Variants in HTR2C observed in about 807,000 individuals in gnomAD.
The protein encoded by HTR2C is 5-hydroxytryptamine receptor 2C.
A neutral mutation model predicts 21.0 loss-of-function variants in HTR2C; 5 were observed. The observed-to-expected ratio is 0.24, with a 90% CI of 0.12 to 0.50. HTR2C has a LOEUF of 0.50. Ranked by LOEUF, HTR2C falls within the 20% of genes least tolerant of loss-of-function variation. HTR2C has a pLI of 0.98. For synonymous variants in HTR2C, 150 were observed against 145.3 expected, an observed-to-expected ratio of 1.03 and a Z score of -0.23; for missense variants, 271 against 371.2, an observed-to-expected ratio of 0.73 and a Z score of 2.22.
At chrX:114,861,983 C>T (rs1180935370) in intron 5 of HTR2C, among the ~76,000 whole-genome samples, 3 of 110,755 alleles carry the variant, frequency 2.7e-5, no homozygotes, top group Non-Finnish European at 3.8e-5. Context: ...CTTTTTAATT[C>T]GATTTAATCC....
intron 5 of HTR2C, among the ~76,000 whole-genome samples, chrX:114,880,202 C>T (rs1468652569): frequency 1.8e-5 from 2 of 109,963 alleles, no homozygotes; most frequent in Non-Finnish European, 3.8e-5. Context: ...TTATTAGGAA[C>T]CATTCTCCAT....
intron 2 of HTR2C, among the ~76,000 whole-genome samples, chrX:114,672,552 T>TA (rs1174568848): frequency 2.7e-5 from 3 of 112,266 alleles, no homozygotes; most frequent in Non-Finnish European, 5.6e-5. Flanking sequence ...AGTTTCCCTG[T>TA]AAAATGGAAT....
At chrX:114,855,581 G>T (rs1392978298) in intron 5 of HTR2C, among the ~76,000 whole-genome samples, 2 of 109,690 alleles carry the variant, frequency 1.8e-5, no homozygotes, top group African/African-American at 6.6e-5. Flanking sequence ...TAACTTGACA[G>T]GCTCAAGTCA....
chrX:114,894,163 A>T (rs968804469), intron 5 of HTR2C, among the ~76,000 whole-genome samples: 1 of 111,586 alleles, frequency 9.0e-6, no homozygotes, highest in Non-Finnish European at 1.9e-5. Context: ...GCTTACATTT[A>T]CCCAAATGAT....
intron 2 of HTR2C, among the ~76,000 whole-genome samples, chrX:114,709,754 T>C (rs1457720566): frequency 9.0e-6 from 1 of 111,395 alleles, no homozygotes; most frequent in African/African-American, 3.3e-5. Flanking sequence ...CTTATTCCTC[T>C]TCTCCTTCAT....
In HTR2C at chrX:114,848,031, G is replaced by A; in HGVS notation, c.378G>A (p.Leu126=). The A allele has an allele frequency of 4.1e-6, 5 of 1,208,963 alleles. No homozygotes were observed. The highest frequency in any genetic ancestry group is 4.5e-6 in the Non-Finnish European group (4 of 893,329). The change falls in exon 5 of 6, where the codon TTG becomes TTA. Residue 126 remains leucine, a synonymous_variant. Coordinates refer to ENST00000276198, the MANE Select transcript of HTR2C (RefSeq NM_000868.4). ...YDYVWPLPRY[L]CPVWISLDVL... ...ATGTCTGGCCACTACCTAGATATTT[G>A]TGCCCCGTCTGGATTTCTTTAGATG...
intron 2 of HTR2C, among the ~76,000 whole-genome samples, chrX:114,615,811 C>T (rs1212040405): frequency 8.9e-6 from 1 of 112,010 alleles, no homozygotes; most frequent in East Asian, 2.8e-4. Context: ...TGTACACACA[C>T]CTGTTGACAC....
chrX:114,847,820 A>G lies in HTR2C; in HGVS notation c.350-183A>G, dbSNP rs186510351. On this transcript the variant is annotated intron_variant, in intron 4 of 5. Coordinates refer to ENST00000276198, the MANE Select transcript of HTR2C (RefSeq NM_000868.4). ...TGTAAATTTTACCTCAATAAAATAT[A>G]TGTCACGCTGAAGGTATCATTATCA... Among the ~76,000 whole-genome samples, 293 of 111,867 alleles carry G rather than the reference A, an allele frequency of 2.6e-3. 1 individual carries two copies. The highest frequency in any genetic ancestry group is 9.1e-3 in the African/African-American group (280 of 30,850).
At chrX:114,841,930 G>A (rs1005163808) in intron 4 of HTR2C, among the ~76,000 whole-genome samples, 2 of 111,273 alleles carry the variant, frequency 1.8e-5, no homozygotes, top group Non-Finnish European at 3.8e-5. Flanking sequence ...CAAAATGTTT[G>A]GCATATAGAA....
At chrX:114,842,736 T>G (rs1371356262) in intron 4 of HTR2C, among the ~76,000 whole-genome samples, 4 of 110,744 alleles carry the variant, frequency 3.6e-5, no homozygotes, top group African/African-American at 6.6e-5. Flanking sequence ...AACAACCTCA[T>G]TAAGCATTGA....
chrX:114,640,823 T>C (rs1218315506), intron 2 of HTR2C, among the ~76,000 whole-genome samples: 1 of 111,024 alleles, frequency 9.0e-6, no homozygotes, highest in Admixed American at 9.7e-5. Flanking sequence ...GGATTTGTGA[T>C]ACAACATCTA....
rs782136328 is a variant in HTR2C at position 114,726,969 on chromosome X, C to A, written c.33C>A (p.Phe11Leu). The A allele has an allele frequency of 9.2e-7, 1 of 1,081,232 alleles. No individual in the cohort carries two copies. Among genetic ancestry groups the A allele is most frequent in the South Asian group, 2.2e-5 (1 of 44,694 alleles). 89.1% of individuals were successfully genotyped at this position (1,081,232 alleles called of 1,213,427 possible). A position where few individuals can be genotyped will look rare whatever the true frequency, so the allele number is the denominator to read the frequency against. The change falls in exon 3 of 6, where the codon TTC becomes TTA. Residue 11 changes from phenylalanine (F) to leucine (L), a missense_variant and splice_region_variant. Physicochemically the swap from Phe to Leu is conservative, Grantham distance 22. Coordinates refer to ENST00000276198, the MANE Select transcript of HTR2C (RefSeq NM_000868.4). Reference protein sequence around the residue: MVNLRNAVHSFLVHLIGLLVW... With the variant: MVNLRNAVHSLLVHLIGLLVW... ...ACCTGAGGAATGCGGTGCATTCATT[C>A]CTGTAAGGATGTTACTACTTATTAT...
At chrX:114,824,864 A>C in intron 4 of HTR2C, among the ~76,000 whole-genome samples, 1 of 111,842 alleles carries the variant, frequency 8.9e-6, no homozygotes, top group Non-Finnish European at 1.9e-5. Flanking sequence ...ATAGTTCAAA[A>C]AACGTATGGT....
chrX:114,866,330 C>T (rs1326757928), intron 5 of HTR2C, among the ~76,000 whole-genome samples: 1 of 109,133 alleles, frequency 9.2e-6, no homozygotes, highest in Non-Finnish European at 1.9e-5. Context: ...GAGTTTTATA[C>T]TTTTAGCTGT....
At chrX:114,857,139 T>A (rs1556471253) in intron 5 of HTR2C, among the ~76,000 whole-genome samples, 1 of 110,974 alleles carries the variant, frequency 9.0e-6, no homozygotes, top group African/African-American at 3.3e-5. Flanking sequence ...CCTTTTCTCC[T>A]ATTTCTCTGT....
At chrX:114,603,946 G>T (rs1247828539) in intron 1 of HTR2C, among the ~76,000 whole-genome samples, 3 of 103,003 alleles carry the variant, frequency 2.9e-5, no homozygotes, top group Admixed American at 2.2e-4. Context: ...GTAAAATGGG[G>T]GAATTGTAAG....
At chrX:114,739,296 C>T (rs2069621753) in intron 4 of HTR2C, among the ~76,000 whole-genome samples, 1 of 111,427 alleles carries the variant, frequency 9.0e-6, no homozygotes, top group Non-Finnish European at 1.9e-5. Context: ...TTAGTCAATG[C>T]AGTTAGATAA....
intron 4 of HTR2C, among the ~76,000 whole-genome samples, chrX:114,761,861 A>ATCTCTC: frequency 2.2e-5 from 1 of 45,180 alleles, no homozygotes; most frequent in African/African-American, 6.5e-5. Context: ...ATTACTCTCT[A>ATCTCTC]TCTCTCTCTC....
chrX:114,744,998 C>T (rs2069688640), intron 4 of HTR2C, among the ~76,000 whole-genome samples: 1 of 111,885 alleles, frequency 8.9e-6, no homozygotes, highest in Non-Finnish European at 1.9e-5. Flanking sequence ...GTTTAAATAG[C>T]TTAACTCTCG....
Sources: gnomAD v4.1 joint callset for allele counts (sites outside exome capture counted in the v4.1 genomes callset) on GRCh38, gnomAD v4.1.1 for gene constraint, MANE v1.5 for transcripts, NCBI Gene and HGNC (gene_info 2026-07-23, HGNC 2026-07-21) for gene names.